Variants in PCTP observed in about 807,000 individuals in gnomAD.
The protein encoded by PCTP is phosphatidylcholine transfer protein, also known as START domain-containing protein 2.
Under a neutral mutation model 31.0 loss-of-function variants are expected in PCTP, and 27 were observed. The observed-to-expected ratio is 0.87, with a 90% CI of 0.64 to 1.20. The LOEUF (loss-of-function observed/expected upper bound fraction) is 1.20, where lower values mean the gene tolerates loss of function less well. PCTP is among the 50% of genes most tolerant of loss of function. The pLI is 0.00. For synonymous variants in PCTP, 108 were observed against 101.2 expected (o/e 1.07, Z -0.40); for missense variants, 287 against 268.2 (o/e 1.07, Z -0.49).
intron 3 of PCTP, among the ~76,000 whole-genome samples, chr17:55,821,433 T>C (rs1405389789): frequency 6.6e-6 from 1 of 152,200 alleles, no homozygotes; most frequent in Non-Finnish European, 1.5e-5. Flanking sequence ...TGTTCTAAAA[T>C]TTATTGTAAT....
intron 5 of PCTP, among the ~76,000 whole-genome samples, chr17:55,837,404 C>T (rs748682185): frequency 2.8e-4 from 42 of 152,106 alleles, no homozygotes; most frequent in Non-Finnish European, 2.1e-4. Flanking sequence ...TGGGAAACTT[C>T]CTTTCTTGGG....
chr17:55,755,540 T>C (rs1173147980), intron 1 of PCTP, among the ~76,000 whole-genome samples: 1 of 152,162 alleles, frequency 6.6e-6, no homozygotes, highest in Non-Finnish European at 1.5e-5. Flanking sequence ...TAGACACAAA[T>C]TATTCTGAAT....
intron 3 of PCTP, among the ~76,000 whole-genome samples, chr17:55,808,030 T>C (rs888573277): frequency 3.3e-5 from 5 of 152,152 alleles, no homozygotes; most frequent in African/African-American, 1.2e-4. Flanking sequence ...GTGACTACAA[T>C]TTAAATGCCT....
intron 3 of PCTP, among the ~76,000 whole-genome samples, chr17:55,813,215 T>G (rs981685746): frequency 6.6e-6 from 1 of 152,230 alleles, no homozygotes; most frequent in African/African-American, 2.4e-5. Flanking sequence ...CTTTCCTCTC[T>G]TATTTAAAAA....
At chr17:55,816,364 G>A (rs1912917937) in intron 3 of PCTP, among the ~76,000 whole-genome samples, 1 of 152,162 alleles carries the variant, frequency 6.6e-6, no homozygotes, top group South Asian at 2.1e-4. Context: ...TCATACAAAT[G>A]GAATCAAGGC....
chr17:55,850,639 A>G, the PCTP span, among the ~76,000 whole-genome samples: 1 of 152,148 alleles, frequency 6.6e-6, no homozygotes, highest in Non-Finnish European at 1.5e-5. Context: ...TGGGCTTTTT[A>G]TGGGATGATG....
rs577460694 is a variant in PCTP, at chr17:55,837,441, A to G, written n.506-5286A>G. Among the ~76,000 whole-genome samples, 4 of 152,254 alleles carry G rather than the reference A, an allele frequency of 2.6e-5. No individual in the cohort carries two copies. In the East Asian group the frequency reaches 7.7e-4, roughly 29 times the overall value. Reference sequence around the variant, plus strand: ...ACCTATAATGGTACTTGCCTTTGATAAATGTGCCTCTTAGACGATTTGGAT... The same window carrying G: ...ACCTATAATGGTACTTGCCTTTGATGAATGTGCCTCTTAGACGATTTGGAT... On this transcript the variant is annotated intron_variant and non_coding_transcript_variant, in intron 5 of 5. Transcript: ENST00000576221.
intron 3 of PCTP, among the ~76,000 whole-genome samples, chr17:55,795,951 TA>T (rs1912173621): frequency 6.6e-6 from 1 of 152,132 alleles, no homozygotes; most frequent in East Asian, 1.9e-4. Flanking sequence ...TATGCTCTAT[TA>T]AAGGTTCAAA....
At chr17:55,847,760 G>C (rs1906177752), downstream of PCTP, among the ~76,000 whole-genome samples, 1 of 152,110 alleles carries the variant, frequency 6.6e-6, no homozygotes. Context: ...GTTCCCCCTT[G>C]TTCAAGGGGG....
downstream of PCTP, chr17:55,777,429 G>C: frequency 1.0e-6 from 1 of 956,608 alleles, no homozygotes; most frequent in Non-Finnish European, 1.2e-6. Context: ...GTGTGCATCA[G>C]TTAGATCTCC....
intron 5 of PCTP, among the ~76,000 whole-genome samples, chr17:55,838,553 G>A (rs74943040): frequency 0.017 from 2,659 of 152,164 alleles, 80 homozygotes; most frequent in African/African-American, 0.061. Context: ...TCACTAGATT[G>A]TAAGCTCTGT....
chr17:55,782,577 T>C (rs887610668), intron 2 of PCTP, among the ~76,000 whole-genome samples: 3 of 152,194 alleles, frequency 2.0e-5, no homozygotes, highest in East Asian at 3.9e-4. Flanking sequence ...GGTGGTAGAC[T>C]GGGAACTCAA....
At chr17:55,852,420 G>C in the PCTP span, among the ~76,000 whole-genome samples, 268 of 152,244 alleles carry the variant, frequency 1.8e-3, 1 homozygote, top group Middle Eastern at 6.8e-3. Flanking sequence ...AACTTCACCA[G>C]GTACTGCCAA....
At chr17:55,811,669 G>C (rs1330606858) in intron 3 of PCTP, among the ~76,000 whole-genome samples, 1 of 152,210 alleles carries the variant, frequency 6.6e-6, no homozygotes, top group Non-Finnish European at 1.5e-5. Context: ...AGTCCAGCTG[G>C]GATGTCGTCA....
intron 5 of PCTP, among the ~76,000 whole-genome samples, chr17:55,839,674 A>C: frequency 6.6e-6 from 1 of 151,942 alleles, no homozygotes; most frequent in Non-Finnish European, 1.5e-5. Context: ...TAATCCCAGC[A>C]CTTTGGGAGG....
chr17:55,787,874 TA>T (rs1235430246), intron 3 of PCTP, among the ~76,000 whole-genome samples: 1 of 152,156 alleles, frequency 6.6e-6, no homozygotes, highest in Non-Finnish European at 1.5e-5. Context: ...CCTTATCCCC[TA>T]AAATTCCCTT....
rs370927197 is a variant in PCTP, at chr17:55,767,310, A to G, written c.142-25A>G. 9.3e-5 allele frequency: 134 copies of G among 1,447,002 alleles called. 1 individual carries two copies. Among genetic ancestry groups the G allele is most frequent in the Admixed American group, 3.6e-4 (21 of 57,870 alleles). 89.6% of individuals were successfully genotyped at this position (1,447,002 alleles called of 1,614,324 possible). A position where few individuals can be genotyped will look rare whatever the true frequency, so the allele number is the denominator to read the frequency against. ...TCTCTCAACTTGGGAACCAATAGAC[A>G]TTTCTACCTGTTCTGTTTTTATAGA... On this transcript the variant is annotated intron_variant, in intron 1 of 5. Transcript: ENST00000268896.
At chr17:55,751,299 T>C in intron 1 of PCTP, 55 bp downstream of exon 1, 1 of 1,516,378 alleles carries the variant, frequency 6.6e-7, no homozygotes, top group Non-Finnish European at 8.8e-7. Context: ...GGGGTCGACC[T>C]CCCCGCAGGG....
At chr17:55,822,811 G>A (rs1358431701) in exon 4 of PCTP, 1 of 1,231,220 alleles carries the variant, frequency 8.1e-7, no homozygotes, top group African/African-American at 1.6e-5. Flanking sequence ...ACCTCATCAA[G>A]TTTTTGGCAA....
Sources: allele counts gnomAD v4.1 joint callset (sites outside exome capture counted in the v4.1 genomes callset), GRCh38; gene constraint gnomAD v4.1.1; transcripts MANE v1.5; gene names NCBI Gene and HGNC (gene_info 2026-07-23, HGNC 2026-07-21).